MYOZ2: variants seen among roughly 807,000 people sequenced by gnomAD.
MYOZ2 encodes myozenin-2.
A neutral mutation model predicts 25.4 loss-of-function variants in MYOZ2; 19 were observed. The observed-to-expected ratio is 0.75, with a 90% CI of 0.52 to 1.10. MYOZ2 has a LOEUF of 1.10. MYOZ2 is among the 50% of genes least tolerant of loss of function. MYOZ2 has a pLI of 0.00. For synonymous variants in MYOZ2, 92 were observed against 106.9 expected, an observed-to-expected ratio of 0.86 and a Z score of 0.86; for missense variants, 270 against 317.9, an observed-to-expected ratio of 0.85 and a Z score of 1.15.
intron 2 of MYOZ2, among the ~76,000 whole-genome samples, chr4:119,142,361 A>G (rs1478137824): frequency 6.6e-6 from 1 of 152,232 alleles, no homozygotes; most frequent in Admixed American, 6.5e-5. Flanking sequence ...TCCAGAATCA[A>G]AAAGTTGAAA....
At chr4:119,156,312 T>C (rs537805192) in intron 3 of MYOZ2, among the ~76,000 whole-genome samples, 13 of 151,482 alleles carry the variant, frequency 8.6e-5, no homozygotes, top group African/African-American at 2.9e-4. Context: ...TCTTGATCTA[T>C]GATCAAAGGT....
At position 119,187,343 on chromosome 4, in the gene MYOZ2, A is replaced by G. The variant is rs1053867361; in HGVS notation, c.*1143A>G. The G allele has an allele frequency of 2.0e-5, 3 of 152,286 alleles. No homozygotes were observed. The highest frequency in any genetic ancestry group is 7.2e-5 in the African/African-American group (3 of 41,576). The allele number at this position is 152,286 out of a possible 1,614,324, so 9.4% of individuals were successfully genotyped here. On this transcript the variant is annotated 3_prime_UTR_variant, in exon 6 of 6. Coordinates refer to ENST00000307128, the MANE Select transcript of MYOZ2 (RefSeq NM_016599.5). The stretch of plus-strand genomic sequence containing the variant: ...TAAGACTTCTGTGATAGATGTTTAT[A>G]GCAGAGAAGAAATGTCTCATCAATA...
At chr4:119,145,550 T>TGTGTGTGTGTGTGTG (rs1561104817) in intron 2 of MYOZ2, among the ~76,000 whole-genome samples, 10 of 103,024 alleles carry the variant, frequency 9.7e-5, no homozygotes, top group Non-Finnish European at 2.1e-4. Context: ...GTGTGTGTGT[T>TGTGTGTGTGTGTGTG]TTTGGTAGAG....
intron 4 of MYOZ2, 121 bp from the exon 5 acceptor site, chr4:119,164,090 A>T: frequency 1.1e-6 from 1 of 930,336 alleles, no homozygotes; most frequent in Admixed American, 2.0e-5. Flanking sequence ...AGGGATCATG[A>T]AAAGGATGCA....
Position 119,171,289 on chromosome 4 carries a change from G to A in MYOZ2, c.560+6895G>A, listed in dbSNP as rs192044469. Among the ~76,000 whole-genome samples, 619 of 152,126 alleles carry A rather than the reference G, an allele frequency of 4.1e-3. 3 individuals are homozygous for A. Among genetic ancestry groups the A allele is most frequent in the Non-Finnish European group, 7.0e-3 (479 of 67,960 alleles). On this transcript the variant is annotated intron_variant, in intron 5 of 5. Coordinates refer to ENST00000307128, the MANE Select transcript of MYOZ2 (RefSeq NM_016599.5). ...GGATTAATAAGTGAATTTAGTGAGA[G>A]CACAGAATAAAAGGTCATCGTTAAT... is the stretch of plus-strand genomic sequence containing the variant.
rs1233915183 is a variant in MYOZ2 at position 119,150,878 on chromosome 4, A to G, written c.83A>G (p.Asp28Gly). Reference protein sequence around the residue: ...IMKEVHGNDVDGMDLGKKVSI... With the variant: ...IMKEVHGNDVGGMDLGKKVSI... The stretch of plus-strand genomic sequence containing the variant: ...TATGAATATTGTTTTACAGATGTTG[A>G]TGGCATGGACCTGGGCAAAAAGGTC... The change falls in exon 3 of 6, where the codon GAT (aspartate) becomes GGT (glycine). Residue 28 changes from aspartate to glycine, a missense_variant. Asp to Gly is a moderately conservative substitution (Grantham distance 94, BLOSUM62 -1). Transcript: ENST00000307128. 1 of 1,613,674 alleles carries G rather than the reference A, an allele frequency of 6.2e-7. No homozygotes were observed. Among genetic ancestry groups the G allele is most frequent in the African/African-American group, 1.3e-5 (1 of 75,038 alleles).
chr4:119,184,622 CTT>C (rs1742255774), intron 5 of MYOZ2, among the ~76,000 whole-genome samples: 1 of 152,226 alleles, frequency 6.6e-6, no homozygotes, highest in Non-Finnish European at 1.5e-5. Context: ...TTTAGGGTCT[CTT>C]TCACTAGAAT....
intron 2 of MYOZ2, among the ~76,000 whole-genome samples, chr4:119,149,383 G>C (rs1326209577): frequency 1.3e-5 from 2 of 152,242 alleles, no homozygotes; most frequent in Non-Finnish European, 2.9e-5. Flanking sequence ...CTTAACGTGG[G>C]TGAGAGCGAA....
intron 5 of MYOZ2, among the ~76,000 whole-genome samples, chr4:119,170,081 T>C (rs1246577570): frequency 6.6e-6 from 1 of 152,168 alleles, no homozygotes; most frequent in Non-Finnish European, 1.5e-5. Flanking sequence ...AGTACAATAC[T>C]TCATAATGTC....
chr4:119,149,750 C>T (rs1007315851), intron 2 of MYOZ2, among the ~76,000 whole-genome samples: 5 of 152,136 alleles, frequency 3.3e-5, no homozygotes, highest in Non-Finnish European at 5.9e-5. Flanking sequence ...AACACATCTA[C>T]TTCATCTTCC....
At chr4:119,147,515 C>T (rs1025605891) in intron 2 of MYOZ2, among the ~76,000 whole-genome samples, 3 of 151,858 alleles carry the variant, frequency 2.0e-5, no homozygotes, top group Non-Finnish European at 2.9e-5. Flanking sequence ...CCGAGGTGGG[C>T]GGATCACTTG....
chr4:119,145,550 T>TGTGTGTGTGTGTG (rs1561104817), intron 2 of MYOZ2, among the ~76,000 whole-genome samples: 58 of 103,012 alleles, frequency 5.6e-4, no homozygotes, highest in Admixed American at 8.7e-4. Flanking sequence ...GTGTGTGTGT[T>TGTGTGTGTGTGTG]TTTGGTAGAG....
At chr4:119,151,373 G>A (rs1396156858) in intron 3 of MYOZ2, among the ~76,000 whole-genome samples, 1 of 152,134 alleles carries the variant, frequency 6.6e-6, no homozygotes, top group Non-Finnish European at 1.5e-5. Context: ...ACATGTTTGA[G>A]ATGGAAACAC....
chr4:119,177,681 T>C (rs1306175046), intron 5 of MYOZ2, among the ~76,000 whole-genome samples: 1 of 152,198 alleles, frequency 6.6e-6, no homozygotes, highest in African/African-American at 2.4e-5. Flanking sequence ...TAGCCTGCCT[T>C]TTCTCTTAAA....
chr4:119,136,413 T>C, intron 1 of MYOZ2, 99 bp from the exon 2 acceptor site: 1 of 1,081,482 alleles, frequency 9.2e-7, no homozygotes, highest in Non-Finnish European at 1.4e-6. Flanking sequence ...AATAACTTTT[T>C]AATAAAGAAC....
chr4:119,181,353 T>C lies in MYOZ2; in HGVS notation c.561-4613T>C, dbSNP rs28555179. On this transcript the variant is annotated intron_variant, in intron 5 of 5. Coordinates refer to ENST00000307128, the MANE Select transcript of MYOZ2 (RefSeq NM_016599.5). Reference sequence around the variant, plus strand: ...GTTCATGATTGTGATCATAATGCTCTGTTTTCTTCCTCTGGAAGCTTGAAT... The same window carrying C: ...GTTCATGATTGTGATCATAATGCTCCGTTTTCTTCCTCTGGAAGCTTGAAT... Among the ~76,000 whole-genome samples the C allele has an allele frequency of 2.2e-3, 329 of 152,332 alleles. 1 individual carries two copies. The highest frequency in any genetic ancestry group is 7.1e-3 in the African/African-American group (297 of 41,578).
chr4:119,176,993 G>T (rs142493176), intron 5 of MYOZ2, among the ~76,000 whole-genome samples: 10 of 152,270 alleles, frequency 6.6e-5, no homozygotes, highest in Non-Finnish European at 4.4e-5. Context: ...ACTGGGAGGC[G>T]GAGGTTGCAG....
chr4:119,148,933 A>T (rs1316033917), intron 2 of MYOZ2, among the ~76,000 whole-genome samples: 2 of 151,624 alleles, frequency 1.3e-5, no homozygotes, highest in African/African-American at 4.8e-5. Flanking sequence ...TTAATTTTTC[A>T]TTCAGTTTGA....
At chr4:119,183,810 T>C (rs1742237395) in intron 5 of MYOZ2, among the ~76,000 whole-genome samples, 1 of 130,568 alleles carries the variant, frequency 7.7e-6, no homozygotes, top group Non-Finnish European at 1.6e-5. Flanking sequence ...CCTTCCACTG[T>C]TGTCTTTTTT....
Sources: allele counts gnomAD v4.1 joint callset (sites outside exome capture counted in the v4.1 genomes callset), GRCh38; gene constraint gnomAD v4.1.1; transcripts MANE v1.5; gene names NCBI Gene and HGNC (gene_info 2026-07-23, HGNC 2026-07-21).